DGKI: variants seen among roughly 807,000 people sequenced by gnomAD.
DGKI encodes the protein DAG kinase iota.
In DGKI, 55 loss-of-function variants were observed where a neutral mutation model predicts 147.5. The observed-to-expected ratio is 0.37, with a 90% CI of 0.30 to 0.47. The LOEUF is 0.47. DGKI is among the 20% of genes least tolerant of loss of function. The probability of loss-of-function intolerance (pLI) is 1.00; values close to 1 mark genes in which losing one functional copy is unlikely to be tolerated. For missense variants in DGKI, 1,007 were observed against 1,323.8 expected, an observed-to-expected ratio of 0.76 and a Z score of 3.71; for synonymous variants, 469 against 477.1, an observed-to-expected ratio of 0.98 and a Z score of 0.22.
chr7:137,571,399 C>T (rs879357884), intron 18 of DGKI, 113 bp from the exon 19 acceptor site: 8 of 717,602 alleles, frequency 1.1e-5, no homozygotes, highest in Non-Finnish European at 1.9e-5. Flanking sequence ...AACAGTTTTC[C>T]ATTCTTGGTA....
At chr7:137,722,199 G>A (rs965999050) in intron 1 of DGKI, 17 of 1,600,332 alleles carry the variant, frequency 1.1e-5, no homozygotes, top group Admixed American at 1.7e-5. Context: ...TGTACAAGAG[G>A]AAGTACTCAG....
At chr7:137,838,324 AG>A (rs1480431158) in intron 1 of DGKI, among the ~76,000 whole-genome samples, 1 of 152,202 alleles carries the variant, frequency 6.6e-6, no homozygotes, top group Non-Finnish European at 1.5e-5. Context: ...TCAGTCTGAA[AG>A]AGATTGTCTC....
In DGKI at chr7:137,475,349, CACA is replaced by C. The variant is rs201128822; in HGVS notation, c.2374-5733_2374-5731del. On this transcript the variant is annotated intron_variant, in intron 23 of 32. Transcript: ENST00000614521. ...TAATCAGCAATCCAGTGCCTCTGTT[CACA>C]ACATTAGATGTTATATAATTGTCTT... Among the ~76,000 whole-genome samples, 585 of 152,290 alleles carry C rather than the reference CACA, an allele frequency of 3.8e-3. 17 individuals carry two copies. Among genetic ancestry groups the C allele is most frequent in the Admixed American group, 0.026 (392 of 15,290 alleles).
chr7:137,799,356 C>T (rs141816904), intron 1 of DGKI, among the ~76,000 whole-genome samples: 110 of 152,102 alleles, frequency 7.2e-4, no homozygotes, highest in African/African-American at 2.0e-3. Flanking sequence ...CTGTGGGGAA[C>T]GGGGAAGTGA....
intron 1 of DGKI, among the ~76,000 whole-genome samples, chr7:137,807,415 C>T (rs765366248): frequency 2.0e-5 from 3 of 152,204 alleles, no homozygotes; most frequent in Non-Finnish European, 4.4e-5. Flanking sequence ...CATTTATGCA[C>T]GAGCTACCTC....
At chr7:137,781,306 G>A (rs1356432822) in intron 1 of DGKI, among the ~76,000 whole-genome samples, 1 of 152,184 alleles carries the variant, frequency 6.6e-6, no homozygotes, top group Non-Finnish European at 1.5e-5. Flanking sequence ...GAGAACTACA[G>A]ATATGAGACC....
intron 1 of DGKI, among the ~76,000 whole-genome samples, chr7:137,748,173 C>G (rs1223393041): frequency 1.3e-5 from 2 of 152,146 alleles, no homozygotes; most frequent in Non-Finnish European, 2.9e-5. Context: ...TCTACAAACA[C>G]AGTTTTGTAG....
At chr7:137,678,535 G>A in intron 3 of DGKI, 22 bp downstream of exon 3, 1 of 1,611,654 alleles carries the variant, frequency 6.2e-7, no homozygotes, top group African/African-American at 1.3e-5. Flanking sequence ...CCTTCCCCCA[G>A]CAAGACGGAG....
At chr7:137,411,969 T>G (rs535934685) in intron 29 of DGKI, among the ~76,000 whole-genome samples, 7 of 152,260 alleles carry the variant, frequency 4.6e-5, no homozygotes, top group African/African-American at 1.7e-4. Flanking sequence ...TGCAGTTCAT[T>G]TTAAGTAACT....
At chr7:137,505,104 A>G (rs1816321129) in intron 21 of DGKI, among the ~76,000 whole-genome samples, 1 of 122,384 alleles carries the variant, frequency 8.2e-6, no homozygotes, top group Non-Finnish European at 1.6e-5. Flanking sequence ...GGGGGGGAAC[A>G]TCCCACACTG....
In DGKI at chr7:137,755,655, C is replaced by T. The variant is rs145644933; in HGVS notation, c.402-65653G>A. ...AACCCCAACTTCTCCAAAAGCCCCA[C>T]CAACAGGAAAGGGGCTGTGAACATT... On this transcript the variant is annotated intron_variant, in intron 1 of 32. Coordinates refer to ENST00000614521, the MANE Select transcript of DGKI (RefSeq NM_001321708.2). Among the ~76,000 whole-genome samples the T allele has an allele frequency of 3.8e-3, 574 of 152,290 alleles. 5 individuals carry two copies. The highest frequency in any genetic ancestry group is 0.012 in the African/African-American group (516 of 41,566).
intron 1 of DGKI, among the ~76,000 whole-genome samples, chr7:137,768,551 C>T (rs1010376079): frequency 1.3e-5 from 2 of 152,166 alleles, no homozygotes; most frequent in Non-Finnish European, 2.9e-5. Context: ...TTTCCAGCTG[C>T]TTTAAAACCA....
At chr7:137,456,610 G>A (rs7778621) in intron 27 of DGKI, among the ~76,000 whole-genome samples, 6,018 of 152,204 alleles carry the variant, frequency 0.04, 298 homozygotes, top group East Asian at 0.12. Context: ...CACATTCACA[G>A]TATTCCTGAA....
At chr7:137,641,548 A>G (rs1821626182) in intron 6 of DGKI, among the ~76,000 whole-genome samples, 1 of 152,212 alleles carries the variant, frequency 6.6e-6, no homozygotes, top group African/African-American at 2.4e-5. Flanking sequence ...AATTACCTTC[A>G]GGCTTTGTGT....
intron 3 of DGKI, among the ~76,000 whole-genome samples, chr7:137,676,249 A>C (rs939048691): frequency 6.6e-6 from 1 of 152,120 alleles, no homozygotes; most frequent in Non-Finnish European, 1.5e-5. Flanking sequence ...CCATTTTATA[A>C]ATCTTTGCTA....
intron 1 of DGKI, among the ~76,000 whole-genome samples, chr7:137,779,881 A>G (rs1796467927): frequency 6.6e-6 from 1 of 152,194 alleles, no homozygotes; most frequent in South Asian, 2.1e-4. Context: ...TTGTTTTTTA[A>G]ATGAAACTTC....
Position 137,417,989 on chromosome 7 carries a change from T to A in DGKI, c.2762-5782A>T, listed in dbSNP as rs144595121. 4.9e-4 allele frequency among the ~76,000 whole-genome samples: 75 copies of A among 152,322 alleles called. 1 individual carries two copies. In the East Asian group the frequency reaches 0.012, roughly 25 times the overall value. On this transcript the variant is annotated intron_variant, in intron 28 of 32. Transcript: ENST00000614521. ...TGATCCAGTCTAAGATATTTTGTCC[T>A]AGCAGCAGGAACAGACTAAGATCCC...
intron 13 of DGKI, among the ~76,000 whole-genome samples, chr7:137,586,779 C>T (rs1480136562): frequency 6.6e-6 from 1 of 152,168 alleles, no homozygotes; most frequent in Non-Finnish European, 1.5e-5. Flanking sequence ...TAACTGAAGT[C>T]TGTATGATCC....
chr7:137,494,811 C>T (rs1815899005), intron 21 of DGKI, among the ~76,000 whole-genome samples: 1 of 152,196 alleles, frequency 6.6e-6, no homozygotes, highest in East Asian at 1.9e-4. Flanking sequence ...GGATCAAATC[C>T]ACACATATTA....
Sources: gnomAD v4.1 joint callset for allele counts (sites outside exome capture counted in the v4.1 genomes callset) on GRCh38, gnomAD v4.1.1 for gene constraint, MANE v1.5 for transcripts, NCBI Gene and HGNC (gene_info 2026-07-23, HGNC 2026-07-21) for gene names.